WDR75: variants seen among roughly 807,000 people sequenced by gnomAD.
WDR75 encodes the protein WD repeat domain 75.
A neutral mutation model predicts 106.1 loss-of-function variants in WDR75; 52 were observed. The observed-to-expected ratio is 0.49, with a 90% CI of 0.39 to 0.62. WDR75 has a LOEUF of 0.62. Ranked by LOEUF, WDR75 falls within the 20% of genes least tolerant of loss-of-function variation. The pLI is 0.00. For synonymous variants in WDR75, 333 were observed against 335.5 expected (o/e 0.99, Z 0.08); for missense variants, 905 against 970.3 (o/e 0.93, Z 0.89).
At chr2:189,448,835 G>A (rs554995854) in intron 2 of WDR75, 1 of 482,918 alleles carries the variant, frequency 2.1e-6, no homozygotes, top group East Asian at 6.5e-5. Flanking sequence ...TCCAAAAGAG[G>A]TATGTAGTTT....
At chr2:189,451,040 G>T (rs570840418) in intron 3 of WDR75, 72 bp downstream of exon 3, 2 of 1,499,784 alleles carry the variant, frequency 1.3e-6, no homozygotes, top group Non-Finnish European at 1.8e-6. Flanking sequence ...TAGATGTACT[G>T]TTTCTATAAG....
rs1055297431 is a variant in WDR75 at position 189,441,618 on chromosome 2, C to T, written c.86+40C>T. 3.9e-6 allele frequency: 6 copies of T among 1,543,708 alleles called. No homozygotes were observed. In the African/African-American group the frequency reaches 5.5e-5, roughly 14 times the overall value. On this transcript the variant is annotated intron_variant, in intron 1 of 20. Coordinates refer to ENST00000314761, the MANE Select transcript of WDR75 (RefSeq NM_032168.3). ...GCGCTTTGTCGGCTGAGGGGCGGGG[C>T]GTGAGTTTCTCGAGGGTCGGGGAGA...
chr2:189,446,132 AC>A lies in WDR75; in HGVS notation c.87-2246del, dbSNP rs1686495067. 2.0e-5 allele frequency among the ~76,000 whole-genome samples: 3 copies of A among 152,180 alleles called. No homozygotes were observed. In the South Asian group the frequency reaches 6.2e-4, roughly 32 times the overall value. On this transcript the variant is annotated intron_variant, in intron 1 of 20. Coordinates refer to ENST00000314761, the MANE Select transcript of WDR75 (RefSeq NM_032168.3). ...ATGGGGGAAATTGTTGGAGTTATGAACTATTTTAATAGAGCACAGTGTTAAG... is the reference window on the plus strand; with the variant it reads ...ATGGGGGAAATTGTTGGAGTTATGAATATTTTAATAGAGCACAGTGTTAAG...
chr2:189,450,073 C>T, intron 2 of WDR75: 1 of 970,208 alleles, frequency 1.0e-6, no homozygotes, highest in Non-Finnish European at 1.2e-6. Context: ...GTGTCCTAAA[C>T]CATTAGTTAC....
rs566855150 is a variant in WDR75 at position 189,471,323 on chromosome 2, A to T, written c.2049+445A>T. Among the ~76,000 whole-genome samples the T allele has an allele frequency of 3.3e-5, 5 of 152,176 alleles. No homozygotes were observed. The East Asian group carries it at 9.7e-4, about 29-fold the overall frequency. On this transcript the variant is annotated intron_variant, in intron 18 of 20. Coordinates refer to ENST00000314761, the MANE Select transcript of WDR75 (RefSeq NM_032168.3). ...ATTTTTAGCTGTTTTTCACATCAGC[A>T]CTCCCTGCATATACACAACACACAC...
intron 5 of WDR75, among the ~76,000 whole-genome samples, chr2:189,456,618 A>G (rs552287735): frequency 2.0e-5 from 3 of 152,202 alleles, no homozygotes; most frequent in South Asian, 2.1e-4. Context: ...TGGGATGGAA[A>G]CATTGAGGAA....
In WDR75 at chr2:189,463,679, T is replaced by G; in HGVS notation, c.938-15T>G. On this transcript the variant is annotated splice_polypyrimidine_tract_variant and intron_variant, in intron 9 of 20. Transcript: ENST00000314761. ...ACCTATTGATATTTAAATACCTATT[T>G]TTTTCTACCCACAGAGATAATAATT... The G allele has an allele frequency of 1.2e-6, 2 of 1,613,442 alleles. No individual in the cohort carries two copies. The highest frequency in any genetic ancestry group is 1.1e-5 in the South Asian group (1 of 90,972).
At chr2:189,445,682 A>C (rs1350834294) in intron 1 of WDR75, among the ~76,000 whole-genome samples, 1 of 152,198 alleles carries the variant, frequency 6.6e-6, no homozygotes, top group Non-Finnish European at 1.5e-5. Flanking sequence ...TACCAGTGTT[A>C]ATATCTTAGT....
At chr2:189,474,477 A>AACCTTG in intron 19 of WDR75, 145 bp downstream of exon 19, 1 of 1,063,174 alleles carries the variant, frequency 9.4e-7, no homozygotes, top group South Asian at 1.7e-5. Flanking sequence ...CGAGTAACTT[A>AACCTTG]ACCTTGTGAT....
intron 2 of WDR75, chr2:189,449,826 A>AT (rs1280336381): frequency 2.8e-5 from 28 of 984,776 alleles, no homozygotes; most frequent in Admixed American, 6.1e-5. Context: ...TTACTCCAAC[A>AT]TTTTTACATT....
Position 189,455,384 on chromosome 2 carries a change from G to A in WDR75, c.438G>A (p.Glu146=). Residue 146 remains glutamate, a synonymous_variant, in exon 5 of 21, where the codon GAG becomes GAA. Coordinates refer to ENST00000314761, the MANE Select transcript of WDR75 (RefSeq NM_032168.3). ...KSSSQEVEAK[E]LSFVLDYINQ... is the part of the protein sequence containing the mutation. ...CAAGCCAGGAAGTAGAAGCCAAGGA[G>A]CTGTCCTTTGTTTTGGATTACATAA... 2 of 1,614,152 alleles carry A rather than the reference G, an allele frequency of 1.2e-6. No homozygotes were observed. Among genetic ancestry groups the A allele is most frequent in the Non-Finnish European group, 1.7e-6 (2 of 1,179,986 alleles).
At chr2:189,465,738 C>T (rs1686986644) in intron 12 of WDR75, among the ~76,000 whole-genome samples, 1 of 152,086 alleles carries the variant, frequency 6.6e-6, no homozygotes, top group Non-Finnish European at 1.5e-5. Flanking sequence ...TTATCTTACT[C>T]TTCAAAAGAA....
chr2:189,466,425 G>A lies in WDR75; in HGVS notation c.1290G>A (p.Gly430=). ...KLWMYNKKTQ[G]FILNTKINMP... is the part of the protein sequence containing the mutation. ...AAATTTGTGGTTTCCTTCCCGCTAG[G>A]TTTATTCTTAACACTAAAATTAACA... Residue 430 remains glycine (G), a splice_region_variant and synonymous_variant, in exon 13 of 21, where the codon GGG becomes GGA. Transcript: ENST00000314761. 1 of 1,611,812 alleles carries A rather than the reference G, an allele frequency of 6.2e-7. No homozygotes were observed. The highest frequency in any genetic ancestry group is 8.5e-7 in the Non-Finnish European group (1 of 1,178,774).
rs754520810 is a variant in WDR75, at chr2:189,455,385, C to T, written c.439C>T (p.Leu147=). The stretch of plus-strand genomic sequence containing the variant: ...AAGCCAGGAAGTAGAAGCCAAGGAG[C>T]TGTCCTTTGTTTTGGATTACATAAA... ...SSSQEVEAKE[L]SFVLDYINQS... The change falls in exon 5 of 21, where the codon CTG becomes TTG. Residue 147 remains leucine, a synonymous_variant. Coordinates refer to ENST00000314761, the MANE Select transcript of WDR75 (RefSeq NM_032168.3). 42 of 1,614,018 alleles carry T rather than the reference C, an allele frequency of 2.6e-5. 1 individual carries two copies. The Middle Eastern group carries it at 8.2e-4, about 32-fold the overall frequency.
intron 20 of WDR75, 67 bp downstream of exon 20, chr2:189,474,875 T>G (rs1281691412): frequency 8.0e-7 from 1 of 1,245,400 alleles, no homozygotes; most frequent in East Asian, 2.3e-5. Context: ...GTGTTTATCC[T>G]TTTTTAGAGT....
At chr2:189,463,645 C>G (rs1465166362) in intron 9 of WDR75, 49 bp from the exon 10 acceptor site, 3 of 1,596,734 alleles carry the variant, frequency 1.9e-6, no homozygotes. Flanking sequence ...GTTGGACAAG[C>G]TTTCTCTAAC....
At position 189,458,840 on chromosome 2, in the gene WDR75, A is replaced by C. The variant is rs571084918; in HGVS notation, c.657A>C (p.Ala219=). The C allele has an allele frequency of 1.2e-6, 2 of 1,606,524 alleles. No individual in the cohort carries two copies. Among genetic ancestry groups the C allele is most frequent in the East Asian group, 2.2e-5 (1 of 44,458 alleles). The change falls in exon 7 of 21, where the codon GCA becomes GCC. Residue 219 remains alanine, a synonymous_variant. Transcript: ENST00000314761. The part of the protein sequence containing the change: ...VACHPTEDCI[A]SGHMDGKIRL... The stretch of plus-strand genomic sequence containing the variant: ...GTCACCCAACGGAAGACTGCATCGC[A>C]TCTGGTCACATGGATGGCAAAATTC...
rs988917308 is a variant in WDR75 at position 189,450,899 on chromosome 2, T to C, written c.217-4T>C. 6.2e-7 allele frequency: 1 copy of C among 1,607,204 alleles called. No homozygotes were observed. The highest frequency in any genetic ancestry group is 1.3e-5 in the African/African-American group (1 of 74,574). On this transcript the variant is annotated splice_polypyrimidine_tract_variant and splice_region_variant and intron_variant, in intron 2 of 20. Coordinates refer to ENST00000314761, the MANE Select transcript of WDR75 (RefSeq NM_032168.3). ...ATCAATTTTGTATTGTTTTACCCTT[T>C]TAGCTGTATTCTTGTTCCCTTGATG...
intron 18 of WDR75, 91 bp downstream of exon 18, chr2:189,470,969 T>C (rs1001269404): frequency 1.0e-6 from 1 of 993,996 alleles, no homozygotes; most frequent in Admixed American, 3.2e-5. Flanking sequence ...AATATTTCAC[T>C]TGGCCCTAAA....
Sources: allele counts gnomAD v4.1 joint callset (sites outside exome capture counted in the v4.1 genomes callset), GRCh38; gene constraint gnomAD v4.1.1; transcripts MANE v1.5; gene names NCBI Gene and HGNC (gene_info 2026-07-23, HGNC 2026-07-21).